The following C10orf90 variants were observed in gnomAD, a reference collection of about 807,000 sequenced individuals.
C10orf90 encodes the protein (E2-independent) E3 ubiquitin-conjugating enzyme FATS.
In C10orf90, 56 loss-of-function variants were observed where a neutral mutation model predicts 62.5. That is an observed-to-expected ratio of 0.90 (90% CI 0.72 to 1.12). C10orf90 has a LOEUF of 1.12. C10orf90 is among the 50% of genes most tolerant of loss of function. C10orf90 has a pLI of 0.00. For missense variants in C10orf90, 970 were observed against 880.4 expected, an observed-to-expected ratio of 1.10 and a Z score of -1.29; for synonymous variants, 386 against 340.4, an observed-to-expected ratio of 1.13 and a Z score of -1.47.
chr10:126,521,093 G>A (rs1016366620), intron 2 of C10orf90, among the ~76,000 whole-genome samples: 9 of 152,116 alleles, frequency 5.9e-5, no homozygotes, highest in Admixed American at 2.6e-4. Flanking sequence ...AGGCGCTACC[G>A]TGCATCCTTT....
At chr10:126,532,406 T>C (rs935386974) in intron 2 of C10orf90, among the ~76,000 whole-genome samples, 4 of 152,078 alleles carry the variant, frequency 2.6e-5, no homozygotes, top group African/African-American at 9.7e-5. Flanking sequence ...CCCTATCCTG[T>C]TTCTTGGTCC....
At chr10:126,641,666 T>C (rs1031571295) in intron 2 of C10orf90, among the ~76,000 whole-genome samples, 5 of 151,922 alleles carry the variant, frequency 3.3e-5, no homozygotes, top group Admixed American at 1.3e-4. Context: ...AGCACAGTGA[T>C]GGGGAAATGT....
chr10:126,600,594 C>A (rs1375458307), intron 2 of C10orf90, among the ~76,000 whole-genome samples: 1 of 152,174 alleles, frequency 6.6e-6, no homozygotes, highest in African/African-American at 2.4e-5. Context: ...GAAAATCCAT[C>A]TCATTAATGC....
At chr10:126,472,933 A>G (rs569655834) in intron 4 of C10orf90, among the ~76,000 whole-genome samples, 19 of 152,288 alleles carry the variant, frequency 1.2e-4, no homozygotes, top group Admixed American at 2.0e-4. Context: ...AGCCTTTAGC[A>G]TTCCAGGGAA....
intron 2 of C10orf90, among the ~76,000 whole-genome samples, chr10:126,572,146 C>T (rs995740207): frequency 2.0e-5 from 3 of 152,054 alleles, no homozygotes; most frequent in Non-Finnish European, 4.4e-5. Context: ...GATAGGAGGT[C>T]GGCAGAAGAT....
intron 2 of C10orf90, among the ~76,000 whole-genome samples, chr10:126,539,562 G>T (rs1305401413): frequency 6.6e-6 from 1 of 151,996 alleles, no homozygotes; most frequent in Non-Finnish European, 1.5e-5. Flanking sequence ...AACTACTACA[G>T]AAATAAATTC....
chr10:126,642,346 CAT>C (rs1564905766), intron 2 of C10orf90, among the ~76,000 whole-genome samples: 12 of 152,052 alleles, frequency 7.9e-5, no homozygotes, highest in Non-Finnish European at 1.5e-4. Context: ...TCCTGGCTAA[CAT>C]GGTGAAACCC....
chr10:126,611,014 C>G (rs1845421409), intron 2 of C10orf90, among the ~76,000 whole-genome samples: 1 of 151,860 alleles, frequency 6.6e-6, no homozygotes, highest in African/African-American at 2.4e-5. Context: ...CACAATTCAC[C>G]CATTTGAAGT....
chr10:126,435,478 G>A (rs569355558), intron 7 of C10orf90, among the ~76,000 whole-genome samples: 23 of 152,224 alleles, frequency 1.5e-4, no homozygotes, highest in African/African-American at 5.3e-4. Context: ...GCTACTGGAT[G>A]GATTTCATAA....
chr10:126,626,955 A>T (rs1411918864), intron 2 of C10orf90, among the ~76,000 whole-genome samples: 3 of 151,992 alleles, frequency 2.0e-5, no homozygotes, highest in Non-Finnish European at 4.4e-5. Context: ...ACCAGGTTGA[A>T]CAGACAGGAG....
At chr10:126,541,143 T>C (rs2133966883) in intron 2 of C10orf90, among the ~76,000 whole-genome samples, 1 of 152,098 alleles carries the variant, frequency 6.6e-6, no homozygotes, top group Admixed American at 6.5e-5. Flanking sequence ...ACACAAAAAA[T>C]AAGATGCTTA....
intron 2 of C10orf90, among the ~76,000 whole-genome samples, chr10:126,534,997 C>A (rs1422885408): frequency 6.6e-6 from 1 of 152,102 alleles, no homozygotes; most frequent in East Asian, 1.9e-4. Context: ...GCATCTGAGA[C>A]CACATTCATG....
intron 2 of C10orf90, among the ~76,000 whole-genome samples, chr10:126,532,289 G>A (rs1414144118): frequency 6.6e-6 from 1 of 152,132 alleles, no homozygotes; most frequent in Non-Finnish European, 1.5e-5. Flanking sequence ...TGCTCAGTGT[G>A]TAAACTGTCT....
intron 2 of C10orf90, among the ~76,000 whole-genome samples, chr10:126,591,212 C>G (rs1844972861): frequency 6.6e-6 from 1 of 152,144 alleles, no homozygotes. Flanking sequence ...CAGCATCGTC[C>G]TGATACCAAA....
At chr10:126,577,185 G>A (rs1239324643) in intron 2 of C10orf90, among the ~76,000 whole-genome samples, 1 of 151,852 alleles carries the variant, frequency 6.6e-6, no homozygotes, top group Non-Finnish European at 1.5e-5. Context: ...TGTTTGAGAT[G>A]ATGGATATGC....
chr10:126,581,974 A>C (rs1471170684), intron 2 of C10orf90, among the ~76,000 whole-genome samples: 1 of 152,106 alleles, frequency 6.6e-6, no homozygotes, highest in Non-Finnish European at 1.5e-5. Flanking sequence ...ACAATTTCTG[A>C]TGCTAGCAGG....
intron 4 of C10orf90, among the ~76,000 whole-genome samples, chr10:126,471,545 T>C (rs182574088): frequency 6.6e-6 from 1 of 152,236 alleles, no homozygotes; most frequent in Non-Finnish European, 1.5e-5. Flanking sequence ...ATAGTTAAGA[T>C]GTCAATAGGG....
intron 1 of C10orf90, among the ~76,000 whole-genome samples, chr10:126,647,853 T>G (rs1465155376): frequency 6.6e-6 from 1 of 152,200 alleles, no homozygotes; most frequent in Non-Finnish European, 1.5e-5. Context: ...GCCTTCAGTT[T>G]GGTAACAGGC....
At chr10:126,429,716 G>A in intron 8 of C10orf90, 71 bp downstream of exon 8, 3 of 1,247,440 alleles carry the variant, frequency 2.4e-6, no homozygotes, top group Non-Finnish European at 3.5e-6. Context: ...CCCATTGGAG[G>A]GCACCTGAAG....
Sources: allele counts gnomAD v4.1 joint callset (sites outside exome capture counted in the v4.1 genomes callset), GRCh38; gene constraint gnomAD v4.1.1; transcripts MANE v1.5; gene names NCBI Gene and HGNC (gene_info 2026-07-23, HGNC 2026-07-21).